CCDC33: variants seen among roughly 807,000 people sequenced by gnomAD.
The protein encoded by CCDC33 is coiled-coil domain containing 33, also known as coiled-coil domain-containing protein 33.
Under a neutral mutation model 91.9 loss-of-function variants are expected in CCDC33, and 94 were observed. The ratio of observed to expected loss-of-function variants is 1.02; its 90% CI spans 0.87 to 1.21. CCDC33 has a LOEUF of 1.21. Among genes scored for constraint, CCDC33 ranks in the 50% most tolerant of loss-of-function variants. The pLI is 0.00. For missense variants in CCDC33, 940 were observed against 935.5 expected (o/e 1.00, Z -0.06); for synonymous variants, 396 against 374.5 (o/e 1.06, Z -0.66).
upstream of CCDC33, among the ~76,000 whole-genome samples, chr15:74,231,594 G>A (rs1007890779): frequency 5.9e-5 from 9 of 152,236 alleles, no homozygotes; most frequent in African/African-American, 7.2e-5. Context: ...AAAAGGCAGC[G>A]TGGTTTGGTG....
chr15:74,206,301 G>A (rs978692217), intron 1 of CCDC33, among the ~76,000 whole-genome samples: 1 of 152,218 alleles, frequency 6.6e-6, no homozygotes, highest in African/African-American at 2.4e-5. Context: ...GGGTGGCCGC[G>A]TGGCTCAAGC....
chr15:74,333,170 G>A (rs1191261328), intron 16 of CCDC33: 2 of 1,438,660 alleles, frequency 1.4e-6, no homozygotes, highest in Non-Finnish European at 1.9e-6. Flanking sequence ...ACTCCCTTCT[G>A]GAGCATTCCC....
intron 2 of CCDC33, among the ~76,000 whole-genome samples, chr15:74,261,687 G>A (rs776437382): frequency 1.1e-4 from 16 of 152,140 alleles, no homozygotes; most frequent in Non-Finnish European, 2.4e-4. Flanking sequence ...TCCCTGAGCC[G>A]TTTGACGGCT....
intron 11 of CCDC33, among the ~76,000 whole-genome samples, chr15:74,329,101 A>G (rs1412763189): frequency 6.6e-6 from 1 of 152,230 alleles, no homozygotes; most frequent in Non-Finnish European, 1.5e-5. Context: ...AACTTTATAA[A>G]TAACAGTAGG....
chr15:74,231,677 C>T (rs1033783904), upstream of CCDC33, among the ~76,000 whole-genome samples: 4 of 152,170 alleles, frequency 2.6e-5, no homozygotes, highest in African/African-American at 7.2e-5. Flanking sequence ...AGCCGTGTGA[C>T]CTTGGGCAAG....
At chr15:74,245,314 G>T (rs1278801753) in intron 2 of CCDC33, among the ~76,000 whole-genome samples, 1 of 152,198 alleles carries the variant, frequency 6.6e-6, no homozygotes, top group Non-Finnish European at 1.5e-5. Flanking sequence ...TGAAAGGGGG[G>T]TAGAAGCTGT....
intron 2 of CCDC33, among the ~76,000 whole-genome samples, chr15:74,246,542 T>C (rs1455394250): frequency 6.6e-6 from 1 of 151,814 alleles, no homozygotes; most frequent in Non-Finnish European, 1.5e-5. Context: ...AACAAAGAAA[T>C]ACAAATGGCC....
At chr15:74,242,018 G>T (rs994511861) in intron 1 of CCDC33, among the ~76,000 whole-genome samples, 1 of 152,234 alleles carries the variant, frequency 6.6e-6, no homozygotes, top group Non-Finnish European at 1.5e-5. Flanking sequence ...TTGAGGGGGT[G>T]TGTGGCTCCG....
intron 10 of CCDC33, among the ~76,000 whole-genome samples, chr15:74,293,427 T>A (rs1384494469): frequency 6.6e-6 from 1 of 152,206 alleles, no homozygotes; most frequent in Non-Finnish European, 1.5e-5. Context: ...ATCCACCCAC[T>A]CATTCATCCA....
chr15:74,307,602 T>C (rs2059914165), intron 11 of CCDC33, among the ~76,000 whole-genome samples: 1 of 152,046 alleles, frequency 6.6e-6, no homozygotes, highest in South Asian at 2.1e-4. Flanking sequence ...TCCCAGCCTA[T>C]CTGGGAGGAA....
intron 1 of CCDC33, among the ~76,000 whole-genome samples, chr15:74,206,609 C>T (rs2142107827): frequency 6.6e-6 from 1 of 152,274 alleles, no homozygotes; most frequent in South Asian, 2.1e-4. Context: ...CAAAAGTGCT[C>T]AAAAGACAGA....
intron 2 of CCDC33, among the ~76,000 whole-genome samples, chr15:74,253,907 G>T (rs1403078306): frequency 6.6e-6 from 1 of 152,064 alleles, no homozygotes; most frequent in Non-Finnish European, 1.5e-5. Flanking sequence ...GTAGAGATGG[G>T]GTTTCACTGT....
At chr15:74,253,668 A>G (rs1280968057) in intron 2 of CCDC33, among the ~76,000 whole-genome samples, 1 of 152,044 alleles carries the variant, frequency 6.6e-6, no homozygotes, top group African/African-American at 2.4e-5. Context: ...GCCGGGAGCC[A>G]GAATTCAAAG....
intron 2 of CCDC33, among the ~76,000 whole-genome samples, chr15:74,222,777 C>T (rs2074647430): frequency 7.2e-6 from 1 of 139,152 alleles, no homozygotes; most frequent in Non-Finnish European, 1.6e-5. Flanking sequence ...GCCACCCCTA[C>T]CCCCATCCCA....
chr15:74,210,790 G>A (rs117648044), intron 2 of CCDC33, among the ~76,000 whole-genome samples: 9 of 152,294 alleles, frequency 5.9e-5, no homozygotes, highest in Non-Finnish European at 1.3e-4. Context: ...ATTGGCCAGT[G>A]ACTTGGAAAA....
At chr15:74,208,036 A>G (rs375384427) in intron 1 of CCDC33, 4 of 1,349,778 alleles carry the variant, frequency 3.0e-6, no homozygotes, top group African/African-American at 1.5e-5. Flanking sequence ...CCCCCTCACC[A>G]ACAGCATCAT....
intron 11 of CCDC33, among the ~76,000 whole-genome samples, chr15:74,308,381 A>ACACACG (rs1449526181): frequency 2.6e-5 from 4 of 151,916 alleles, no homozygotes; most frequent in African/African-American, 9.7e-5. Flanking sequence ...ACACACACAC[A>ACACACG]CACACATTTG....
intron 11 of CCDC33, among the ~76,000 whole-genome samples, chr15:74,320,151 C>T (rs1445510728): frequency 1.3e-5 from 2 of 152,168 alleles, no homozygotes; most frequent in South Asian, 2.1e-4. Context: ...GTTCTAGAAA[C>T]TCCTGTGACT....
rs540742336 is a variant in CCDC33 at position 74,270,060 on chromosome 15, A to G, written c.546+1602A>G. Reference sequence around the variant, plus strand: ...CAGACCCATCCAAAGTGTGAAATGTACCATCAGAGATTCAATCCTTTGAAT... The same window carrying G: ...CAGACCCATCCAAAGTGTGAAATGTGCCATCAGAGATTCAATCCTTTGAAT... On this transcript the variant is annotated intron_variant, in intron 5 of 18. Coordinates refer to ENST00000398814, the MANE Select transcript of CCDC33 (RefSeq NM_025055.5). 2.0e-5 allele frequency among the ~76,000 whole-genome samples: 3 copies of G among 152,328 alleles called. No individual in the cohort carries two copies. The East Asian group carries it at 5.8e-4, about 29-fold the overall frequency.
Sources: gnomAD v4.1 joint callset for allele counts (sites outside exome capture counted in the v4.1 genomes callset) on GRCh38, gnomAD v4.1.1 for gene constraint, MANE v1.5 for transcripts, NCBI Gene and HGNC (gene_info 2026-07-23, HGNC 2026-07-21) for gene names.